BANK1: variants seen among roughly 807,000 people sequenced by gnomAD.
The protein encoded by BANK1 is B-cell scaffold protein with ankyrin repeats.
BANK1 carries 95 observed loss-of-function variants against 94.5 expected under a neutral mutation model. That is an observed-to-expected ratio of 1.00 (90% confidence interval 0.85 to 1.19). BANK1 has a LOEUF of 1.19. Ranked by LOEUF, BANK1 falls within the 50% of genes most tolerant of loss-of-function variation. The pLI, the probability that BANK1 is intolerant of heterozygous loss-of-function variation, is 0.00. For missense variants in BANK1, 987 were observed against 932.2 expected, an observed-to-expected ratio of 1.06 and a Z score of -0.77; for synonymous variants, 334 against 308.4, an observed-to-expected ratio of 1.08 and a Z score of -0.87.
At chr4:102,069,155 A>G (rs1278514479) in intron 13 of BANK1, among the ~76,000 whole-genome samples, 1 of 152,256 alleles carries the variant, frequency 6.6e-6, no homozygotes, top group African/African-American at 2.4e-5. Context: ...AAGAAGGGCT[A>G]GAATGAATGT....
chr4:101,847,811 T>C (rs1175411685), intron 2 of BANK1, among the ~76,000 whole-genome samples: 1 of 151,624 alleles, frequency 6.6e-6, no homozygotes, highest in South Asian at 2.1e-4. Flanking sequence ...ACTCGTTGAT[T>C]GATGGGCATT....
chr4:101,862,231 T>G (rs963847419), intron 3 of BANK1, among the ~76,000 whole-genome samples: 1 of 152,104 alleles, frequency 6.6e-6, no homozygotes, highest in South Asian at 2.1e-4. Flanking sequence ...AGAGCCATAT[T>G]GAGGAAGACG....
intron 8 of BANK1, 36 bp downstream of exon 8, chr4:102,021,628 T>G: frequency 1.2e-6 from 1 of 845,926 alleles, no homozygotes; most frequent in South Asian, 2.7e-5. Flanking sequence ...ATATGACATA[T>G]TCATATATAT....
intron 7 of BANK1, among the ~76,000 whole-genome samples, chr4:101,991,420 G>A (rs904154771): frequency 6.6e-6 from 1 of 152,154 alleles, no homozygotes; most frequent in Non-Finnish European, 1.5e-5. Flanking sequence ...ATTCCTGGGT[G>A]GATAAGTTGT....
Position 102,015,155 on chromosome 4 carries a change from T to C in BANK1, c.1207-6359T>C, listed in dbSNP as rs941979833. Among the ~76,000 whole-genome samples the C allele has an allele frequency of 5.9e-5, 9 of 152,098 alleles. 1 individual carries two copies. The South Asian group carries it at 1.9e-3, about 32-fold the overall frequency. ...AGTGTCTGATACCCAATTAATTAGTTTGATTCCATGTCAGGCTTATTTAAA... is the reference window on the plus strand; with the variant it reads ...AGTGTCTGATACCCAATTAATTAGTCTGATTCCATGTCAGGCTTATTTAAA... On this transcript the variant is annotated intron_variant, in intron 7 of 16. Transcript: ENST00000322953.
chr4:101,924,881 T>C (rs1212278704), intron 7 of BANK1, among the ~76,000 whole-genome samples: 1 of 151,798 alleles, frequency 6.6e-6, no homozygotes, highest in Non-Finnish European at 1.5e-5. Flanking sequence ...GACACACATT[T>C]TTCATAATGT....
At chr4:101,839,831 T>A (rs2148867087) in intron 2 of BANK1, among the ~76,000 whole-genome samples, 1 of 152,008 alleles carries the variant, frequency 6.6e-6, no homozygotes, top group Admixed American at 6.5e-5. Context: ...TGTGTAATTG[T>A]TTCTTAGGCT....
intron 2 of BANK1, among the ~76,000 whole-genome samples, chr4:101,854,036 C>T (rs1727591662): frequency 6.6e-6 from 1 of 152,080 alleles, no homozygotes; most frequent in South Asian, 2.1e-4. Flanking sequence ...CAGTAGAAAA[C>T]CAGATTCCGC....
intron 7 of BANK1, among the ~76,000 whole-genome samples, chr4:102,012,885 A>G (rs1034317190): frequency 6.6e-6 from 1 of 152,128 alleles, no homozygotes; most frequent in Non-Finnish European, 1.5e-5. Context: ...GTTCCTGTTC[A>G]CTAACTTCAA....
chr4:102,060,430 G>T (rs376123537), intron 12 of BANK1, 41 bp downstream of exon 12: 90 of 1,559,382 alleles, frequency 5.8e-5, no homozygotes, highest in Middle Eastern at 3.4e-4. Context: ...TCCCTCACTT[G>T]TGGAGCCCCT....
chr4:101,895,740 A>G (rs753199897), intron 6 of BANK1, among the ~76,000 whole-genome samples: 2 of 151,928 alleles, frequency 1.3e-5, no homozygotes. Context: ...AAAAGTGGAA[A>G]TATTTTACAA....
chr4:102,071,315 G>C lies in BANK1; in HGVS notation c.2242+11G>C. The C allele has an allele frequency of 6.2e-7, 1 of 1,612,748 alleles. No homozygotes were observed. Among genetic ancestry groups the C allele is most frequent in the Non-Finnish European group, 8.5e-7 (1 of 1,178,954 alleles). On this transcript the variant is annotated intron_variant, in intron 14 of 16. Transcript: ENST00000322953. Reference sequence around the variant, plus strand: ...TGCACCATCCAGGTGGTAAGTGCTTGGTATTTATTGAAGGATCTAAGACTA... The same window carrying C: ...TGCACCATCCAGGTGGTAAGTGCTTCGTATTTATTGAAGGATCTAAGACTA...
chr4:101,840,043 AC>A (rs1726983300), intron 2 of BANK1, among the ~76,000 whole-genome samples: 1 of 116,968 alleles, frequency 8.5e-6, no homozygotes, highest in Non-Finnish European at 1.6e-5. Flanking sequence ...ATCTCGGCTC[AC>A]TGCAAGCTCC....
intron 12 of BANK1, chr4:102,062,036 C>A (rs1279159356): frequency 6.6e-6 from 1 of 151,834 alleles, no homozygotes; most frequent in Non-Finnish European, 1.5e-5. Flanking sequence ...GTTTCCTCAA[C>A]ACACACACGT....
intron 6 of BANK1, among the ~76,000 whole-genome samples, chr4:101,909,406 G>A (rs1424093348): frequency 6.6e-6 from 1 of 152,122 alleles, no homozygotes; most frequent in Non-Finnish European, 1.5e-5. Flanking sequence ...GTGGGGGTAG[G>A]GAGGAGGGAT....
chr4:102,034,097 A>G (rs969944119), intron 10 of BANK1, among the ~76,000 whole-genome samples: 5 of 152,042 alleles, frequency 3.3e-5, no homozygotes, highest in Admixed American at 3.3e-4. Flanking sequence ...CCAGAAAACC[A>G]TTCACTCAAT....
At chr4:101,920,831 T>G (rs966508655) in intron 7 of BANK1, among the ~76,000 whole-genome samples, 1 of 151,870 alleles carries the variant, frequency 6.6e-6, no homozygotes, top group African/African-American at 2.4e-5. Flanking sequence ...AAAAAGAAAT[T>G]ATGATTTTAG....
chr4:101,904,729 C>T (rs962716450), intron 6 of BANK1, among the ~76,000 whole-genome samples: 8 of 152,282 alleles, frequency 5.3e-5, no homozygotes, highest in African/African-American at 1.9e-4. Flanking sequence ...TTTATAGGTA[C>T]AGAAGTTATA....
chr4:101,986,847 A>G (rs28445413), intron 7 of BANK1, among the ~76,000 whole-genome samples: 1,432 of 52,804 alleles, frequency 0.027, 69 homozygotes, highest in East Asian at 0.11. Flanking sequence ...ATATATGTGT[A>G]TATATATGTA....
Sources: gnomAD v4.1 joint callset for allele counts (sites outside exome capture counted in the v4.1 genomes callset) on GRCh38, gnomAD v4.1.1 for gene constraint, MANE v1.5 for transcripts, NCBI Gene and HGNC (gene_info 2026-07-23, HGNC 2026-07-21) for gene names.